The following HECW2 variants were observed in gnomAD, a reference collection of about 807,000 sequenced individuals.
HECW2 encodes the protein E3 ubiquitin-protein ligase HECW2.
A neutral mutation model predicts 175.2 loss-of-function variants in HECW2; 61 were observed. The observed-to-expected ratio is 0.35, with a 90% CI of 0.28 to 0.43. The LOEUF (loss-of-function observed/expected upper bound fraction) is 0.43, where lower values mean the gene tolerates loss of function less well. Among genes scored for constraint, HECW2 ranks in the 20% least tolerant of loss-of-function variants. The pLI is 1.00. For synonymous variants in HECW2, 671 were observed against 731.0 expected (o/e 0.92, Z 1.32); for missense variants, 1,524 against 2,000.5 (o/e 0.76, Z 4.54).
chr2:196,556,512 A>G (rs1689799625), intron 1 of HECW2, among the ~76,000 whole-genome samples: 2 of 152,098 alleles, frequency 1.3e-5, no homozygotes, highest in Admixed American at 1.3e-4. Context: ...GCTTCCATTT[A>G]TAAGTGAGAT....
rs13385851 is a variant in HECW2 at position 196,253,656 on chromosome 2, T to C, written c.3529+264A>G. Among the ~76,000 whole-genome samples, 3,582 of 152,344 alleles carry C rather than the reference T, an allele frequency of 0.024. 119 individuals are homozygous for C. The highest frequency in any genetic ancestry group is 0.079 in the African/African-American group (3,280 of 41,570). On this transcript the variant is annotated intron_variant, in intron 19 of 28. Transcript: ENST00000644978. Reference sequence around the variant, plus strand: ...AGCAACCTAATATTTTGTGTCCTGATATTGTATGATATAACATCATGAAAA... The same window carrying C: ...AGCAACCTAATATTTTGTGTCCTGACATTGTATGATATAACATCATGAAAA...
intron 5 of HECW2, 136 bp from the exon 6 acceptor site, chr2:196,325,285 G>T: frequency 2.7e-5 from 12 of 451,224 alleles, no homozygotes; most frequent in Admixed American, 4.2e-5. Context: ...GCAGCTCAAA[G>T]ATAATTTGTT....
At chr2:196,298,853 A>T (rs1449922475) in intron 13 of HECW2, among the ~76,000 whole-genome samples, 1 of 152,268 alleles carries the variant, frequency 6.6e-6, no homozygotes, top group East Asian at 1.9e-4. Flanking sequence ...ACAGGGAAGT[A>T]ACTGAAAGAG....
At chr2:196,210,264 A>ATGTG in intron 28 of HECW2, among the ~76,000 whole-genome samples, 2 of 139,400 alleles carry the variant, frequency 1.4e-5, no homozygotes, top group African/African-American at 2.6e-5. Flanking sequence ...TTGTTTTAAA[A>ATGTG]TGTGTGTGTG....
At chr2:196,240,983 G>A (rs77573931) in intron 20 of HECW2, among the ~76,000 whole-genome samples, 1,509 of 150,446 alleles carry the variant, frequency 0.01, 31 homozygotes, top group African/African-American at 0.036. Context: ...ATTATTAAGT[G>A]CCCAGCAAGA....
At chr2:196,354,672 G>A (rs914688534) in intron 2 of HECW2, among the ~76,000 whole-genome samples, 16 of 152,314 alleles carry the variant, frequency 1.1e-4, no homozygotes, top group Non-Finnish European at 1.3e-4. Flanking sequence ...ATCTTATTCA[G>A]TGTAGAGAAA....
At chr2:196,490,807 C>T (rs1429271657) in intron 1 of HECW2, among the ~76,000 whole-genome samples, 1 of 152,170 alleles carries the variant, frequency 6.6e-6, no homozygotes, top group Non-Finnish European at 1.5e-5. Context: ...CATGCCACAA[C>T]ATGAATGAAC....
intron 1 of HECW2, among the ~76,000 whole-genome samples, chr2:196,523,960 G>C (rs984345763): frequency 6.6e-6 from 1 of 152,014 alleles, no homozygotes; most frequent in Non-Finnish European, 1.5e-5. Flanking sequence ...GTCTCTGCCC[G>C]GCTTTGGTAT....
chr2:196,340,406 G>A (rs1258002950), intron 3 of HECW2, among the ~76,000 whole-genome samples: 4 of 151,992 alleles, frequency 2.6e-5, no homozygotes, highest in Admixed American at 6.6e-5. Context: ...AAACCAGCCT[G>A]GCCAACATGG....
chr2:196,554,813 T>C (rs1385046360), intron 1 of HECW2, among the ~76,000 whole-genome samples: 1 of 152,238 alleles, frequency 6.6e-6, no homozygotes, highest in African/African-American at 2.4e-5. Context: ...CAGTAGGCTC[T>C]GCAGTGTGCA....
intron 19 of HECW2, chr2:196,242,451 T>C: frequency 2.1e-6 from 1 of 470,556 alleles, no homozygotes; most frequent in South Asian, 2.7e-5. Context: ...GGTGCCCATG[T>C]GTTTCTCAAG....
chr2:196,338,047 A>T (rs1692617124), intron 3 of HECW2, among the ~76,000 whole-genome samples: 1 of 152,226 alleles, frequency 6.6e-6, no homozygotes, highest in African/African-American at 2.4e-5. Context: ...TCATAAATAC[A>T]AATGAAGATG....
intron 20 of HECW2, among the ~76,000 whole-genome samples, chr2:196,241,585 C>T (rs1204780204): frequency 6.6e-6 from 1 of 152,186 alleles, no homozygotes; most frequent in Non-Finnish European, 1.5e-5. Context: ...GGCCAAACAA[C>T]ATGATGATGT....
chr2:196,513,119 A>C (rs1323120406), intron 1 of HECW2, among the ~76,000 whole-genome samples: 1 of 152,246 alleles, frequency 6.6e-6, no homozygotes, highest in Non-Finnish European at 1.5e-5. Flanking sequence ...CATTTAAGGA[A>C]TGGATTACAG....
chr2:196,325,917 T>C (rs1029529401), intron 5 of HECW2, among the ~76,000 whole-genome samples: 5 of 152,246 alleles, frequency 3.3e-5, no homozygotes, highest in African/African-American at 1.2e-4. Context: ...GGAGACTGTA[T>C]GTTTTTCCAT....
intron 2 of HECW2, among the ~76,000 whole-genome samples, chr2:196,398,085 G>C (rs1340614252): frequency 3.4e-5 from 3 of 88,922 alleles, no homozygotes; most frequent in Admixed American, 1.6e-4. Flanking sequence ...GGGGAAAAAA[G>C]TGAGTGTAGG....
intron 1 of HECW2, among the ~76,000 whole-genome samples, chr2:196,488,969 G>GA (rs1343180320): frequency 6.6e-6 from 1 of 151,918 alleles, no homozygotes; most frequent in South Asian, 2.1e-4. Context: ...AAAGCAAAGG[G>GA]AAAAATATTA....
rs367685639 is a variant in HECW2 at position 196,576,629 on chromosome 2, CT to C, written c.-36+16878del. On this transcript the variant is annotated intron_variant, in intron 1 of 28. Coordinates refer to ENST00000644978, the MANE Select transcript of HECW2 (RefSeq NM_001348768.2). ...TGCAAGATGAATAGGTTCAAGAAAT[CT>C]AACATACCGCATGATATCTATAGTT... Among the ~76,000 whole-genome samples the C allele has an allele frequency of 5.9e-4, 90 of 152,226 alleles. No homozygotes were observed. In the East Asian group the frequency reaches 9.1e-3, roughly 15 times the overall value.
chr2:196,289,719 T>G (rs1400497839), intron 14 of HECW2: 1 of 152,112 alleles, frequency 6.6e-6, no homozygotes, highest in Non-Finnish European at 1.5e-5. Context: ...AAAATAAATA[T>G]TATTAAATTC....
Sources: gnomAD v4.1 joint callset for allele counts (sites outside exome capture counted in the v4.1 genomes callset) on GRCh38, gnomAD v4.1.1 for gene constraint, MANE v1.5 for transcripts, NCBI Gene and HGNC (gene_info 2026-07-23, HGNC 2026-07-21) for gene names.